Variants in PARD3 observed in about 807,000 individuals in gnomAD.
PARD3 encodes par-3 family cell polarity regulator, also known as partitioning defective 3 homolog.
A neutral mutation model predicts 155.4 loss-of-function variants in PARD3; 75 were observed. The observed-to-expected ratio is 0.48, with a 90% CI of 0.40 to 0.58. PARD3 has a LOEUF of 0.58. Ranked by LOEUF, PARD3 falls within the 20% of genes least tolerant of loss-of-function variation. PARD3 has a pLI of 0.00. For missense variants in PARD3, 1,642 were observed against 1,721.7 expected, an observed-to-expected ratio of 0.95 and a Z score of 0.82; for synonymous variants, 576 against 610.5, an observed-to-expected ratio of 0.94 and a Z score of 0.83.
At chr10:34,340,704 T>C (rs1421787282) in intron 16 of PARD3, among the ~76,000 whole-genome samples, 1 of 152,140 alleles carries the variant, frequency 6.6e-6, no homozygotes, top group African/African-American at 2.4e-5. Context: ...GTTCACTTTG[T>C]TAAGATCATC....
At chr10:34,487,725 A>G (rs1035714463) in intron 3 of PARD3, among the ~76,000 whole-genome samples, 2 of 152,118 alleles carry the variant, frequency 1.3e-5, no homozygotes, top group Non-Finnish European at 2.9e-5. Context: ...AGTGGGAGTC[A>G]ATCTAAATTA....
At chr10:34,445,036 G>A (rs1289647501) in intron 5 of PARD3, among the ~76,000 whole-genome samples, 1 of 151,950 alleles carries the variant, frequency 6.6e-6, no homozygotes, top group Non-Finnish European at 1.5e-5. Flanking sequence ...CTACCCTGGT[G>A]TTCCCAAATT....
chr10:34,765,863 T>G (rs1386755173), intron 1 of PARD3, among the ~76,000 whole-genome samples: 2 of 152,182 alleles, frequency 1.3e-5, no homozygotes, highest in Non-Finnish European at 2.9e-5. Context: ...ACTCATGTGA[T>G]CCTCATTCAA....
chr10:34,557,491 T>G (rs1343618259), intron 2 of PARD3, among the ~76,000 whole-genome samples: 1 of 152,020 alleles, frequency 6.6e-6, no homozygotes, highest in African/African-American at 2.4e-5. Flanking sequence ...GTTTTTTTGT[T>G]TTTTTGAGAT....
At position 34,503,162 on chromosome 10, in the gene PARD3, T is replaced by C. The variant is rs144533613; in HGVS notation, c.403+13817A>G. Among the ~76,000 whole-genome samples, 17 of 152,362 alleles carry C rather than the reference T, an allele frequency of 1.1e-4. No individual in the cohort carries two copies. In the East Asian group the frequency reaches 3.3e-3, roughly 29 times the overall value. On this transcript the variant is annotated intron_variant, in intron 3 of 24. Coordinates refer to ENST00000374788, the MANE Select transcript of PARD3 (RefSeq NM_001184785.2). ...TTCTAAGCCACAAATCATTAGGCTA[T>C]AACATCTCTGCCAAGCAATACAATA...
intron 22 of PARD3, among the ~76,000 whole-genome samples, chr10:34,191,478 A>AAGT (rs1242862921): frequency 6.6e-6 from 1 of 152,192 alleles, no homozygotes; most frequent in African/African-American, 2.4e-5. Flanking sequence ...CATCAGGCCC[A>AAGT]AGTCCCATAG....
Position 34,154,102 on chromosome 10 carries a change from C to T in PARD3, c.3420-22519G>A, listed in dbSNP as rs1462006429. Among the ~76,000 whole-genome samples the T allele has an allele frequency of 7.9e-5, 12 of 152,246 alleles. No homozygotes were observed. In the East Asian group the frequency reaches 2.3e-3, roughly 29 times the overall value. On this transcript the variant is annotated intron_variant, in intron 22 of 24. Coordinates refer to ENST00000374788, the MANE Select transcript of PARD3 (RefSeq NM_001184785.2). ...AACATCAATTTATTAGGAGATAAAACTTGTTCTCCAGTAATGGAGCAGCTG... is the reference window on the plus strand; with the variant it reads ...AACATCAATTTATTAGGAGATAAAATTTGTTCTCCAGTAATGGAGCAGCTG...
In PARD3 at chr10:34,812,463, A is replaced by G. The variant is rs567055530; in HGVS notation, c.120+2413T>C. 6.6e-5 allele frequency among the ~76,000 whole-genome samples: 10 copies of G among 152,382 alleles called. No homozygotes were observed. The South Asian group carries it at 2.1e-3, about 32-fold the overall frequency. On this transcript the variant is annotated intron_variant, in intron 1 of 24. Coordinates refer to ENST00000374788, the MANE Select transcript of PARD3 (RefSeq NM_001184785.2). Reference sequence around the variant, plus strand: ...AAGGAACAGATAGAGAATAAAAGTTAAAACAGTGTTAAATACATATTAACA... The same window carrying G: ...AAGGAACAGATAGAGAATAAAAGTTGAAACAGTGTTAAATACATATTAACA...
intron 12 of PARD3, among the ~76,000 whole-genome samples, chr10:34,365,294 C>T (rs1020699951): frequency 1.3e-5 from 2 of 152,202 alleles, no homozygotes; most frequent in African/African-American, 4.8e-5. Context: ...AATGGAATGC[C>T]ATTCAGCTAA....
chr10:34,807,735 C>CTATATACAGAATAGAGTAT (rs1843583946), intron 1 of PARD3, among the ~76,000 whole-genome samples: 1 of 151,588 alleles, frequency 6.6e-6, no homozygotes, highest in African/African-American at 2.4e-5. Flanking sequence ...GAATAGAGTA[C>CTATATACAGAATAGAGTAT]AGAGACTATA....
At chr10:34,329,810 A>G (rs1231959775) in intron 19 of PARD3, among the ~76,000 whole-genome samples, 1 of 152,194 alleles carries the variant, frequency 6.6e-6, no homozygotes, top group Non-Finnish European at 1.5e-5. Flanking sequence ...GCAATCCTCT[A>G]AGTTATGCTT....
In PARD3 at chr10:34,340,954, T is replaced by C. The variant is rs139553221; in HGVS notation, c.2408+673A>G. ...TGTGTTAATTATCACTACAACCTTG[T>C]GAGGTCGTCCCCAAGAGGAGCTCTG... On this transcript the variant is annotated intron_variant, in intron 16 of 24. Transcript: ENST00000374788. 1.7e-3 allele frequency among the ~76,000 whole-genome samples: 253 copies of C among 152,284 alleles called. 1 individual carries two copies. Among genetic ancestry groups the C allele is most frequent in the African/African-American group, 5.5e-3 (229 of 41,560 alleles).
intron 1 of PARD3, among the ~76,000 whole-genome samples, chr10:34,714,457 C>A (rs534434487): frequency 7.2e-5 from 11 of 152,278 alleles, no homozygotes; most frequent in Admixed American, 5.2e-4. Flanking sequence ...ATCCAGCACA[C>A]CCCACACTGC....
intron 22 of PARD3, among the ~76,000 whole-genome samples, chr10:34,218,055 G>A (rs547613511): frequency 1.2e-4 from 18 of 152,136 alleles, no homozygotes; most frequent in East Asian, 9.7e-4. Flanking sequence ...CCTCCTGCAC[G>A]CCCCTACGTC....
chr10:34,611,223 A>AT (rs2090866815), intron 2 of PARD3, among the ~76,000 whole-genome samples: 1 of 152,178 alleles, frequency 6.6e-6, no homozygotes, highest in South Asian at 2.1e-4. Flanking sequence ...GGCTGGTAAA[A>AT]TTAATTATAG....
chr10:34,295,414 A>G (rs976491626), intron 20 of PARD3, among the ~76,000 whole-genome samples: 1 of 152,148 alleles, frequency 6.6e-6, no homozygotes, highest in Admixed American at 6.5e-5. Context: ...AATTCCTCTC[A>G]TCCCATTTCC....
At chr10:34,292,219 T>C (rs1956707574) in intron 20 of PARD3, among the ~76,000 whole-genome samples, 1 of 152,234 alleles carries the variant, frequency 6.6e-6, no homozygotes, top group African/African-American at 2.4e-5. Flanking sequence ...TGTAATGACA[T>C]GCTCATGGAT....
chr10:34,364,634 AT>A (rs1472953670), intron 12 of PARD3, among the ~76,000 whole-genome samples: 1 of 152,100 alleles, frequency 6.6e-6, no homozygotes, highest in Admixed American at 6.6e-5. Context: ...GGGTCTTGAT[AT>A]GTTGCCCATG....
At chr10:34,321,444 C>T (rs10827347) in intron 19 of PARD3, among the ~76,000 whole-genome samples, 7 of 151,888 alleles carry the variant, frequency 4.6e-5, no homozygotes, top group Admixed American at 6.6e-5. Context: ...TTTGCAGATA[C>T]CCTACACAAA....
Sources: gnomAD v4.1 joint callset for allele counts (sites outside exome capture counted in the v4.1 genomes callset) on GRCh38, gnomAD v4.1.1 for gene constraint, MANE v1.5 for transcripts, NCBI Gene and HGNC (gene_info 2026-07-23, HGNC 2026-07-21) for gene names.